EYS: variants seen among roughly 807,000 people sequenced by gnomAD.
The protein encoded by EYS is protein eyes shut homolog.
A neutral mutation model predicts 282.1 loss-of-function variants in EYS; 250 were observed. The ratio of observed to expected loss-of-function variants is 0.89; its 90% CI spans 0.80 to 0.98. EYS has a LOEUF of 0.98. Ranked by LOEUF, EYS falls within the 50% of genes least tolerant of loss-of-function variation. EYS has a pLI of 0.00. For synonymous variants in EYS, 1,355 were observed against 1,282.9 expected, an observed-to-expected ratio of 1.06 and a Z score of -1.20; for missense variants, 4,016 against 3,709.0, an observed-to-expected ratio of 1.08 and a Z score of -2.15.
At chr6:64,155,190 T>C (rs1341237526) in intron 31 of EYS, among the ~76,000 whole-genome samples, 1 of 152,088 alleles carries the variant, frequency 6.6e-6, no homozygotes, top group Admixed American at 6.6e-5. Context: ...TGATGAATAA[T>C]CACACAGGAT....
intron 35 of EYS, among the ~76,000 whole-genome samples, chr6:63,889,228 C>T (rs1226068328): frequency 6.6e-6 from 1 of 152,126 alleles, no homozygotes; most frequent in Non-Finnish European, 1.5e-5. Flanking sequence ...AGAATATTAT[C>T]CAGAACTTCC....
intron 26 of EYS, among the ~76,000 whole-genome samples, chr6:64,462,144 AT>A (rs1259727727): frequency 6.6e-6 from 1 of 152,180 alleles, no homozygotes; most frequent in Non-Finnish European, 1.5e-5. Context: ...TTTTCCTGTT[AT>A]AAAAAACCTA....
intron 2 of EYS, among the ~76,000 whole-genome samples, chr6:65,618,775 T>C (rs558392175): frequency 1.1e-4 from 16 of 152,334 alleles, no homozygotes; most frequent in African/African-American, 3.8e-4. Flanking sequence ...TACATATGGC[T>C]AGCCAGTTTC....
intron 41 of EYS, among the ~76,000 whole-genome samples, chr6:63,728,099 T>C (rs1226295972): frequency 6.6e-6 from 1 of 152,128 alleles, no homozygotes; most frequent in Non-Finnish European, 1.5e-5. Context: ...TTTTAAAATA[T>C]TGCTAAATTA....
At chr6:64,910,514 C>A (rs1383456237) in intron 16 of EYS, among the ~76,000 whole-genome samples, 1 of 152,036 alleles carries the variant, frequency 6.6e-6, no homozygotes, top group Non-Finnish European at 1.5e-5. Context: ...ATGTGCATTT[C>A]AAGTATCTCT....
In EYS at chr6:63,793,918, G is replaced by C. The variant is rs995039694; in HGVS notation, c.7412-4694C>G. ...AAACCTGTCAGGGCAGTATGTGTGG[G>C]GTGATGCTGATGCACACATGGATGT... On this transcript the variant is annotated intron_variant, in intron 37 of 42. Transcript: ENST00000503581. 3.3e-5 allele frequency among the ~76,000 whole-genome samples: 5 copies of C among 152,132 alleles called. No individual in the cohort carries two copies. In the East Asian group the frequency reaches 9.7e-4, roughly 29 times the overall value.
At chr6:64,748,684 A>G (rs1772638501) in intron 22 of EYS, among the ~76,000 whole-genome samples, 1 of 152,256 alleles carries the variant, frequency 6.6e-6, no homozygotes, top group African/African-American at 2.4e-5. Context: ...ATTGTAATTA[A>G]CCAAGTGGGC....
chr6:65,146,950 T>C (rs1444809808), intron 12 of EYS, among the ~76,000 whole-genome samples: 1 of 152,038 alleles, frequency 6.6e-6, no homozygotes, highest in South Asian at 2.1e-4. Flanking sequence ...CATTATTTCA[T>C]GTGACTCATT....
At position 64,997,161 on chromosome 6, in the gene EYS, A is replaced by C. The variant is rs73765712; in HGVS notation, c.2259+421T>G. The stretch of plus-strand genomic sequence containing the variant: ...CAGATGAGTGAAGGAAACTGGAAAT[A>C]TGTAATATGAGATGGAGGTCAGAGT... On this transcript the variant is annotated intron_variant, in intron 14 of 42. Coordinates refer to ENST00000503581, the MANE Select transcript of EYS (RefSeq NM_001142800.2). Among the ~76,000 whole-genome samples the C allele has an allele frequency of 1.3e-3, 193 of 152,322 alleles. 3 individuals carry two copies. Among genetic ancestry groups the C allele is most frequent in the African/African-American group, 4.2e-3 (176 of 41,584 alleles).
chr6:64,577,522 G>A (rs753037289), intron 26 of EYS, among the ~76,000 whole-genome samples: 3 of 151,572 alleles, frequency 2.0e-5, no homozygotes, highest in Non-Finnish European at 4.4e-5. Flanking sequence ...ACAGACATAT[G>A]CATAGAGTAT....
At chr6:65,317,619 G>C (rs1231602569) in intron 11 of EYS, among the ~76,000 whole-genome samples, 1 of 152,094 alleles carries the variant, frequency 6.6e-6, no homozygotes, top group Non-Finnish European at 1.5e-5. Flanking sequence ...AGCTTGGCTG[G>C]TTCAACATCT....
intron 26 of EYS, among the ~76,000 whole-genome samples, chr6:64,580,633 T>C (rs1766031634): frequency 6.6e-6 from 1 of 152,150 alleles, no homozygotes; most frequent in Non-Finnish European, 1.5e-5. Context: ...AAACCTTTTC[T>C]CATAAAAAAG....
intron 35 of EYS, among the ~76,000 whole-genome samples, chr6:63,950,198 A>C (rs1765532549): frequency 6.6e-6 from 1 of 150,976 alleles, no homozygotes; most frequent in Non-Finnish European, 1.5e-5. Context: ...ACAAAACAAA[A>C]AAAAAAAACA....
chr6:64,354,133 A>T (rs1205802733), intron 29 of EYS, among the ~76,000 whole-genome samples: 1 of 151,652 alleles, frequency 6.6e-6, no homozygotes, highest in East Asian at 2.0e-4. Flanking sequence ...TCTGAAAACA[A>T]AAAGGTAACA....
rs1022087052 is a variant in EYS, at chr6:63,721,114, T to G, written c.8917A>C (p.Arg2973=). The G allele has an allele frequency of 5.9e-5, 91 of 1,551,392 alleles. No individual in the cohort carries two copies. The highest frequency in any genetic ancestry group is 7.6e-5 in the Non-Finnish European group (87 of 1,146,818). The change falls in exon 43 of 43, where the codon AGA becomes CGA. Residue 2973 remains arginine, a synonymous_variant. Coordinates refer to ENST00000503581, the MANE Select transcript of EYS (RefSeq NM_001142800.2). ...SYIKYIDPNY[R]MRNLQFTTIS... is the part of the protein sequence containing the mutation. ...GTAGTGAACTGGAGGTTTCTCATTC[T>G]ATAATTTGGATCAATGTATTTAATG...
intron 37 of EYS, among the ~76,000 whole-genome samples, chr6:63,805,242 A>C (rs186293102): frequency 6.6e-6 from 1 of 152,334 alleles, no homozygotes; most frequent in East Asian, 1.9e-4. Context: ...ACTTAAAAGT[A>C]AAACATAGGT....
At chr6:65,087,266 C>A (rs903428689) in intron 12 of EYS, among the ~76,000 whole-genome samples, 1 of 151,838 alleles carries the variant, frequency 6.6e-6, no homozygotes, top group Non-Finnish European at 1.5e-5. Context: ...TTCATTATTG[C>A]AGATCATCCT....
intron 22 of EYS, among the ~76,000 whole-genome samples, chr6:64,756,991 T>C (rs1306558917): frequency 6.6e-6 from 1 of 152,064 alleles, no homozygotes; most frequent in Non-Finnish European, 1.5e-5. Flanking sequence ...ATATCCCTTC[T>C]TTGAGACTTG....
intron 26 of EYS, among the ~76,000 whole-genome samples, chr6:64,540,475 A>ATTTTTTTTTTTTTT: frequency 1.2e-5 from 1 of 83,496 alleles, no homozygotes; most frequent in Middle Eastern, 6.5e-3. Flanking sequence ...CCAAGTACAG[A>ATTTTTTTTTTTTTT]TTTTTTTTTT....
Sources: gnomAD v4.1 joint callset for allele counts (sites outside exome capture counted in the v4.1 genomes callset) on GRCh38, gnomAD v4.1.1 for gene constraint, MANE v1.5 for transcripts, NCBI Gene and HGNC (gene_info 2026-07-23, HGNC 2026-07-21) for gene names.